Variants in PCDH11X observed in about 807,000 individuals in gnomAD.
PCDH11X encodes the protein protocadherin 11 X-linked.
PCDH11X carries 18 observed loss-of-function variants against 53.3 expected under a neutral mutation model. That is an observed-to-expected ratio of 0.34 (90% CI 0.23 to 0.50). The LOEUF (loss-of-function observed/expected upper bound fraction) is 0.50, where lower values mean the gene tolerates loss of function less well. Ranked by LOEUF, PCDH11X falls within the 20% of genes least tolerant of loss-of-function variation. The pLI is 0.98. For missense variants in PCDH11X, 570 were observed against 1,032.4 expected, an observed-to-expected ratio of 0.55 and a Z score of 6.14; for synonymous variants, 279 against 393.3, an observed-to-expected ratio of 0.71 and a Z score of 3.44.
intron 5 of PCDH11X, among the ~76,000 whole-genome samples, chrX:91,875,237 T>C (rs1294805715): frequency 9.2e-6 from 1 of 108,252 alleles, no homozygotes; most frequent in African/African-American, 3.4e-5. Flanking sequence ...GATCACTACG[T>C]TTGTGTGTAG....
chrX:91,822,717 T>C (rs1936740286), intron 4 of PCDH11X, among the ~76,000 whole-genome samples: 1 of 109,651 alleles, frequency 9.1e-6, no homozygotes, highest in African/African-American at 3.3e-5. Context: ...TTCTGCTAGC[T>C]TTTGAATGTG....
chrX:92,531,084 G>C (rs1300962227), intron 10 of PCDH11X, among the ~76,000 whole-genome samples: 59 of 111,249 alleles, frequency 5.3e-4, no homozygotes, highest in Non-Finnish European at 9.6e-4. Flanking sequence ...AATCAACTTA[G>C]TAGGAATGAA....
At chrX:92,407,145 G>A (rs2071539197) in intron 9 of PCDH11X, among the ~76,000 whole-genome samples, 1 of 106,056 alleles carries the variant, frequency 9.4e-6, no homozygotes, top group Non-Finnish European at 1.9e-5. Flanking sequence ...CCTTTTGCAT[G>A]TTCTTATTTA....
intron 8 of PCDH11X, among the ~76,000 whole-genome samples, chrX:92,303,909 T>G (rs980017454): frequency 1.8e-5 from 2 of 110,687 alleles, no homozygotes; most frequent in African/African-American, 6.6e-5. Flanking sequence ...AGTTCAGATG[T>G]TTACTACAAT....
At chrX:91,916,384 G>T (rs1941565221) in intron 6 of PCDH11X, among the ~76,000 whole-genome samples, 1 of 111,016 alleles carries the variant, frequency 9.0e-6, no homozygotes. Flanking sequence ...GAAACAAAGA[G>T]CTGGTTCTTT....
At position 91,951,077 on chromosome X, in the gene PCDH11X, C is replaced by A. The variant is rs146088854; in HGVS notation, c.3033+71804C>A. ...TCCTATGTATTAGCAAATAACAGAT[C>A]TTTGTTTTTCAGGTAGAAATAGTAA... On this transcript the variant is annotated intron_variant, in intron 6 of 10. Transcript: ENST00000682573. 6.0e-4 allele frequency among the ~76,000 whole-genome samples: 67 copies of A among 110,919 alleles called. 1 individual carries two copies. In the East Asian group the frequency reaches 0.016, roughly 27 times the overall value.
Position 91,953,022 on chromosome X carries a change from G to A in PCDH11X, c.3033+73749G>A, listed in dbSNP as rs2061660460. Among the ~76,000 whole-genome samples, 2 of 110,572 alleles carry A rather than the reference G, an allele frequency of 1.8e-5. 1 individual carries two copies. Among genetic ancestry groups the A allele is most frequent in the South Asian group, 7.7e-4 (2 of 2,584 alleles). ...AATCAATTGAACTCATGGACTTGGA[G>A]AGTAGAAAGATGGTTACCAGAGACT... On this transcript the variant is annotated intron_variant, in intron 6 of 10. Coordinates refer to ENST00000682573, the MANE Select transcript of PCDH11X (RefSeq NM_032968.5).
chrX:92,242,532 G>A (rs917432243), intron 7 of PCDH11X, among the ~76,000 whole-genome samples: 1 of 111,764 alleles, frequency 8.9e-6, no homozygotes, highest in African/African-American at 3.3e-5. Context: ...CCTGCTGAAG[G>A]CCACCTAGGC....
intron 4 of PCDH11X, among the ~76,000 whole-genome samples, chrX:91,816,167 T>G: frequency 9.0e-6 from 1 of 111,423 alleles, no homozygotes; most frequent in Admixed American, 9.6e-5. Context: ...GCAAAATGCC[T>G]ATATAAGTTT....
chrX:92,149,292 G>A (rs917519194), intron 6 of PCDH11X, among the ~76,000 whole-genome samples: 1 of 109,348 alleles, frequency 9.1e-6, no homozygotes, highest in Non-Finnish European at 1.9e-5. Flanking sequence ...GAGAATAAAT[G>A]TGCATATTTA....
chrX:91,976,425 T>C (rs2062048092), intron 6 of PCDH11X, among the ~76,000 whole-genome samples: 1 of 112,419 alleles, frequency 8.9e-6, no homozygotes, highest in Non-Finnish European at 1.9e-5. Context: ...CAAATTGATG[T>C]TCCTCTTCAA....
chrX:91,823,492 G>A (rs1936778850), intron 4 of PCDH11X, among the ~76,000 whole-genome samples: 1 of 111,050 alleles, frequency 9.0e-6, no homozygotes, highest in Non-Finnish European at 1.9e-5. Context: ...GACTAGGATT[G>A]CAATCCCTGC....
At chrX:92,144,879 T>A (rs1194689140) in intron 6 of PCDH11X, among the ~76,000 whole-genome samples, 1 of 111,811 alleles carries the variant, frequency 8.9e-6, no homozygotes, top group African/African-American at 3.3e-5. Context: ...TTGAACTGGA[T>A]CTACAAAATT....
intron 7 of PCDH11X, among the ~76,000 whole-genome samples, chrX:92,248,798 G>C (rs1222635346): frequency 9.0e-6 from 1 of 110,996 alleles, no homozygotes; most frequent in African/African-American, 3.3e-5. Context: ...CGCCTCCTGG[G>C]TTCAAGCAAT....
chrX:92,395,517 G>A (rs1440059422), intron 9 of PCDH11X, among the ~76,000 whole-genome samples: 1 of 110,947 alleles, frequency 9.0e-6, no homozygotes, highest in African/African-American at 3.3e-5. Flanking sequence ...TAACCTCACT[G>A]TCTCTTTTTC....
At chrX:91,886,888 A>C (rs370754379) in intron 6 of PCDH11X, among the ~76,000 whole-genome samples, 3 of 104,698 alleles carry the variant, frequency 2.9e-5, no homozygotes, top group Admixed American at 1.0e-4. Context: ...GGAGAATGGC[A>C]TGAACCCGGG....
intron 8 of PCDH11X, among the ~76,000 whole-genome samples, chrX:92,267,584 C>T (rs760693842): frequency 3.2e-4 from 36 of 112,016 alleles, no homozygotes; most frequent in Non-Finnish European, 2.6e-4. Flanking sequence ...CTGGTGTCTC[C>T]AAGGTATTGC....
intron 6 of PCDH11X, among the ~76,000 whole-genome samples, chrX:92,127,292 G>A (rs1422670916): frequency 1.1e-4 from 12 of 107,632 alleles, no homozygotes; most frequent in African/African-American, 3.4e-4. Flanking sequence ...AATAATGAGT[G>A]CTTTCCGTAC....
intron 7 of PCDH11X, among the ~76,000 whole-genome samples, chrX:92,245,533 T>C (rs2067333220): frequency 8.9e-6 from 1 of 112,778 alleles, no homozygotes; most frequent in Middle Eastern, 4.6e-3. Flanking sequence ...CTAATCTCTG[T>C]GAGGACAAAG....
Sources: gnomAD v4.1 joint callset for allele counts (sites outside exome capture counted in the v4.1 genomes callset) on GRCh38, gnomAD v4.1.1 for gene constraint, MANE v1.5 for transcripts, NCBI Gene and HGNC (gene_info 2026-07-23, HGNC 2026-07-21) for gene names.